The following BRSK2 variants were observed in gnomAD, a reference collection of about 807,000 sequenced individuals.
BRSK2 encodes BR serine/threonine kinase 2.
BRSK2 carries 19 observed loss-of-function variants against 83.3 expected under a neutral mutation model. The observed-to-expected ratio is 0.23, with a 90% CI of 0.16 to 0.33. The LOEUF (loss-of-function observed/expected upper bound fraction) is 0.33, where lower values mean the gene tolerates loss of function less well. BRSK2 is among the 10% of genes least tolerant of loss of function. The pLI is 1.00. For synonymous variants in BRSK2, 519 were observed against 435.4 expected (o/e 1.19, Z -2.39); for missense variants, 798 against 1,042.3 (o/e 0.77, Z 3.23).
intron 1 of BRSK2, among the ~76,000 whole-genome samples, chr11:1,399,614 C>A (rs988878531): frequency 6.6e-6 from 1 of 152,258 alleles, no homozygotes; most frequent in East Asian, 1.9e-4. Context: ...TGGCAGCTGT[C>A]CCCCCAGGGC....
At chr11:1,399,147 G>T (rs1846308078) in intron 1 of BRSK2, among the ~76,000 whole-genome samples, 1 of 152,220 alleles carries the variant, frequency 6.6e-6, no homozygotes, top group African/African-American at 2.4e-5. Context: ...GTGACTGGGG[G>T]TCTCTGGCCA....
Position 1,460,907 on chromosome 11 carries a change from T to C in BRSK2, c.*184T>C, listed in dbSNP as rs1847421283. 4 of 1,609,854 alleles carry C rather than the reference T, an allele frequency of 2.5e-6. No individual in the cohort carries two copies. Among genetic ancestry groups the C allele is most frequent in the Non-Finnish European group, 3.4e-6 (4 of 1,178,564 alleles). On this transcript the variant is annotated 3_prime_UTR_variant, in exon 20 of 20. Transcript: ENST00000528841. ...GCTGCGCCACCCGCGCCCGCTCTCT[T>C]TTCTCTCTGTCTCTGCCTCTGCCTG...
Position 1,440,145 on chromosome 11 carries a change from C to T in BRSK2, c.273-643C>T, listed in dbSNP as rs144275755. ...CCTGGGTGGAGCGGCCCCCAAGCAG[C>T]TGCATGCAGCGTCCCACGGGCCTCT... On this transcript the variant is annotated intron_variant, in intron 3 of 19. Coordinates refer to ENST00000528841, the MANE Select transcript of BRSK2 (RefSeq NM_001256627.2). 7.6e-3 allele frequency among the ~76,000 whole-genome samples: 1,165 copies of T among 152,328 alleles called. 5 individuals are homozygous for T. The highest frequency in any genetic ancestry group is 0.02 in the Middle Eastern group (6 of 294).
At position 1,450,771 on chromosome 11, in the gene BRSK2, G is replaced by A. The variant is rs531413807; in HGVS notation, c.1472G>A (p.Arg491His). ...SIKNSFLGSP[R>H]FHRRKLQVPT... ...AAGAACAGCTTTCTGGGCTCACCCC[G>A]CTTCCACCGCCGGAAACTGCAAGGT... Residue 491 changes from arginine to histidine, a missense_variant, in exon 14 of 20, where the codon CGC (arginine) becomes CAC (histidine). Arg to His is a conservative substitution (Grantham distance 29). Around this residue, in one of 6 missense-constraint regions of BRSK2, gnomAD observed 455 missense variants for 455.2 expected, o/e 1.00. Transcript: ENST00000528841. 2.4e-5 allele frequency: 38 copies of A among 1,594,808 alleles called. No homozygotes were observed. The highest frequency in any genetic ancestry group is 4.5e-5 in the East Asian group (2 of 44,188).
Position 1,461,553 on chromosome 11 carries a change from T to C in BRSK2, c.*830T>C, listed in dbSNP as rs975919983. On this transcript the variant is annotated 3_prime_UTR_variant, in exon 20 of 20. Transcript: ENST00000528841. ...TGGGATCAGTGTTATTTATTTGCCG[T>C]TTTAATTTATGGATTCTCCGCACCT... 2 of 164,040 alleles carry C rather than the reference T, an allele frequency of 1.2e-5. No homozygotes were observed. The highest frequency in any genetic ancestry group is 4.8e-5 in the African/African-American group (2 of 41,450). The allele number at this position is 164,040 out of a possible 1,614,324, so 10.2% of individuals were successfully genotyped here.
intron 16 of BRSK2, among the ~76,000 whole-genome samples, chr11:1,455,574 G>A (rs1031081439): frequency 2.6e-5 from 4 of 152,024 alleles, no homozygotes; most frequent in Non-Finnish European, 5.9e-5. Flanking sequence ...AGGCTCCAGG[G>A]CCAGGAGAGC....
intron 1 of BRSK2, among the ~76,000 whole-genome samples, chr11:1,396,963 T>C (rs1846168266): frequency 6.6e-6 from 1 of 152,186 alleles, no homozygotes; most frequent in African/African-American, 2.4e-5. Flanking sequence ...CTGAAGCTTG[T>C]GCGAGGTTCC....
At chr11:1,459,567 GCCGGTGC>G in intron 19 of BRSK2, 1 of 375,772 alleles carries the variant, frequency 2.7e-6, no homozygotes, top group East Asian at 5.1e-5. Flanking sequence ...TAGGGGAGGG[GCCGGTGC>G]CCATCCCTCT....
At chr11:1,445,721 CG>C in intron 11 of BRSK2, 35 bp from the exon 12 acceptor site, 1 of 1,610,910 alleles carries the variant, frequency 6.2e-7, no homozygotes. Flanking sequence ...CACCGGGGTC[CG>C]GGGGCTGTCT....
intron 1 of BRSK2, among the ~76,000 whole-genome samples, chr11:1,424,564 T>C (rs1301249203): frequency 6.6e-6 from 1 of 152,180 alleles, no homozygotes. Flanking sequence ...TCCAGGACCC[T>C]TCGCCAGGAC....
intron 1 of BRSK2, chr11:1,411,501 C>T (rs1847494791): frequency 2.7e-6 from 4 of 1,496,702 alleles, no homozygotes; most frequent in Admixed American, 4.3e-5. Context: ...CAGGTCTGGC[C>T]CAGCGGTGGG....
intron 8 of BRSK2, among the ~76,000 whole-genome samples, chr11:1,444,088 C>T (rs757520619): frequency 3.9e-5 from 6 of 151,994 alleles, no homozygotes; most frequent in Admixed American, 1.3e-4. Flanking sequence ...GGGGTGTGCA[C>T]AGGTGTGGGG....
chr11:1,421,114 T>C (rs1195311239), intron 1 of BRSK2, among the ~76,000 whole-genome samples: 1 of 152,186 alleles, frequency 6.6e-6, no homozygotes, highest in Non-Finnish European at 1.5e-5. Flanking sequence ...TGGCTGACCC[T>C]GGGCCTCCTC....
At chr11:1,410,828 AC>A in intron 1 of BRSK2, 2 of 985,484 alleles carry the variant, frequency 2.0e-6, no homozygotes, top group African/African-American at 1.7e-5. Flanking sequence ...GCAGGGCACC[AC>A]CGAGACCACT....
chr11:1,405,185 C>G (rs896236656), intron 1 of BRSK2, among the ~76,000 whole-genome samples: 12 of 151,962 alleles, frequency 7.9e-5, no homozygotes, highest in South Asian at 2.1e-4. Context: ...CTGGGCCAGT[C>G]AGTGGGGCAG....
At position 1,454,615 on chromosome 11, in the gene BRSK2, C is replaced by CCA. The variant is rs763926502; in HGVS notation, c.1668+10_1668+11dup. 3.1e-6 allele frequency: 5 copies of CCA among 1,612,510 alleles called. No individual in the cohort carries two copies. The highest frequency in any genetic ancestry group is 4.2e-6 in the Non-Finnish European group (5 of 1,179,808). Reference sequence around the variant, plus strand: ...CGTGCACGCCTTCCTGTCGGTGAGGCCACAGGGCGCTGGGGGAGGCGGGCA... The same window carrying CCA: ...CGTGCACGCCTTCCTGTCGGTGAGGCCACACAGGGCGCTGGGGGAGGCGGGCA... On this transcript the variant is annotated splice_region_variant and intron_variant, in intron 16 of 19. Coordinates refer to ENST00000528841, the MANE Select transcript of BRSK2 (RefSeq NM_001256627.2). The surrounding 1 kb of genome is among the most constrained non-coding windows in gnomAD (Gnocchi z 5.2).
chr11:1,454,224 A>ATGGGCC lies in BRSK2; in HGVS notation c.1545-260_1545-255dup. 3 of 316,876 alleles carry ATGGGCC rather than the reference A, an allele frequency of 9.5e-6. No individual in the cohort carries two copies. In the South Asian group the frequency reaches 1.2e-4, roughly 13 times the overall value. 19.6% of individuals were successfully genotyped at this position (316,876 alleles called of 1,614,324 possible). A position where few individuals can be genotyped will look rare whatever the true frequency, so the allele number is the denominator to read the frequency against. ...CCCCAGACTTGGGAGTGGGTGGCAT[A>ATGGGCC]TGGGCCAGGGTCAGGGCGTTAGGGC... On this transcript the variant is annotated intron_variant, in intron 15 of 19. Coordinates refer to ENST00000528841, the MANE Select transcript of BRSK2 (RefSeq NM_001256627.2). This position sits in a 1 kb window ranked among gnomAD's most constrained non-coding sequence, Gnocchi z 5.2.
intron 15 of BRSK2, among the ~76,000 whole-genome samples, chr11:1,453,231 G>T (rs1266914931): frequency 6.6e-6 from 1 of 152,260 alleles, no homozygotes; most frequent in East Asian, 1.9e-4. Context: ...CACCACGTGG[G>T]TGCTGGAGTC....
At position 1,456,725 on chromosome 11, in the gene BRSK2, G is replaced by A. The variant is rs747266978; in HGVS notation, c.1939+38G>A. Reference sequence around the variant, plus strand: ...CAGCTCCGGCCAACCTGCGGCCTGCGAGTGGGGCGTGGCCAGCTGGTGCTG... The same window carrying A: ...CAGCTCCGGCCAACCTGCGGCCTGCAAGTGGGGCGTGGCCAGCTGGTGCTG... On this transcript the variant is annotated intron_variant, in intron 18 of 19. Coordinates refer to ENST00000528841, the MANE Select transcript of BRSK2 (RefSeq NM_001256627.2). The A allele has an allele frequency of 3.0e-5, 46 of 1,553,464 alleles. No individual in the cohort carries two copies. In the East Asian group the frequency reaches 4.7e-4, roughly 16 times the overall value.
Sources: allele counts gnomAD v4.1 joint callset (sites outside exome capture counted in the v4.1 genomes callset), GRCh38; gene constraint gnomAD v4.1.1; regional missense constraint gnomAD v4.1.1; non-coding constraint Gnocchi (gnomAD v3.1); transcripts MANE v1.5; gene names NCBI Gene and HGNC (gene_info 2026-07-23, HGNC 2026-07-21).